The following PAH variants were observed in gnomAD, a reference collection of about 807,000 sequenced individuals.
PAH encodes the protein phenylalanine-4-hydroxylase.
Under a neutral mutation model 62.0 loss-of-function variants are expected in PAH, and 64 were observed. That is an observed-to-expected ratio of 1.03 (90% CI 0.84 to 1.27). The LOEUF (loss-of-function observed/expected upper bound fraction) is 1.27. Ranked by LOEUF, PAH falls within the 50% of genes most tolerant of loss-of-function variation. PAH has a pLI of 0.00. For missense variants in PAH, 579 were observed against 542.8 expected (o/e 1.07, Z -0.66); for synonymous variants, 195 against 196.2 (o/e 0.99, Z 0.05).
chr12:102,883,014 T>C (rs1032773298), intron 3 of PAH, among the ~76,000 whole-genome samples: 3 of 151,660 alleles, frequency 2.0e-5, no homozygotes, highest in Non-Finnish European at 4.4e-5. Flanking sequence ...AGAACAGAGA[T>C]TGGGATCAGG....
intron 2 of PAH, among the ~76,000 whole-genome samples, chr12:102,905,197 C>T (rs1877928399): frequency 6.6e-6 from 1 of 152,164 alleles, no homozygotes; most frequent in Admixed American, 6.5e-5. Context: ...GCCTATATTC[C>T]TCCTACTCTT....
At chr12:102,840,015 T>C (rs1835664981) in intron 12 of PAH, among the ~76,000 whole-genome samples, 1 of 151,840 alleles carries the variant, frequency 6.6e-6, no homozygotes, top group South Asian at 2.1e-4. Context: ...GAAGGAAGAG[T>C]GGAAGGCCAA....
chr12:102,873,194 T>C (rs1018897606), intron 4 of PAH, among the ~76,000 whole-genome samples: 2 of 152,192 alleles, frequency 1.3e-5, no homozygotes, highest in Non-Finnish European at 2.9e-5. Flanking sequence ...TCTCCTTTGT[T>C]CAGAGAACGT....
At position 102,898,625 on chromosome 12, in the gene PAH, A is replaced by G. The variant is rs192491478; in HGVS notation, c.169-3707T>C. The stretch of plus-strand genomic sequence containing the variant: ...ATACTTAAGTAACACTTTATAGTAT[A>G]GAATTCTTTTCTGTGACCATCCCAA... On this transcript the variant is annotated intron_variant, in intron 2 of 12. Coordinates refer to ENST00000553106, the MANE Select transcript of PAH (RefSeq NM_000277.3). 1.7e-3 allele frequency among the ~76,000 whole-genome samples: 255 copies of G among 152,384 alleles called. 3 individuals are homozygous for G. Among genetic ancestry groups the G allele is most frequent in the African/African-American group, 5.7e-3 (237 of 41,598 alleles).
At chr12:102,920,064 C>T (rs1878515469), upstream of PAH, among the ~76,000 whole-genome samples, 1 of 152,018 alleles carries the variant, frequency 6.6e-6, no homozygotes, top group Non-Finnish European at 1.5e-5. Flanking sequence ...AATTTTTAAT[C>T]CTATCTCACA....
At chr12:102,872,670 G>T (rs1388499874) in intron 4 of PAH, among the ~76,000 whole-genome samples, 1 of 152,190 alleles carries the variant, frequency 6.6e-6, no homozygotes, top group Non-Finnish European at 1.5e-5. Flanking sequence ...ACCTTGAAAG[G>T]TTAAAAACAG....
At chr12:102,906,100 T>C (rs572392092) in intron 2 of PAH, among the ~76,000 whole-genome samples, 1 of 152,254 alleles carries the variant, frequency 6.6e-6, no homozygotes, top group South Asian at 2.1e-4. Flanking sequence ...AAATTATAAA[T>C]GTTATGAAAT....
chr12:102,931,351 G>C (rs1032554200), intron 1 of PAH, among the ~76,000 whole-genome samples: 2 of 152,246 alleles, frequency 1.3e-5, no homozygotes, highest in Middle Eastern at 3.4e-3. Flanking sequence ...GAGGGAAATA[G>C]CAGTGGGGTG....
intron 2 of PAH, among the ~76,000 whole-genome samples, chr12:102,895,869 A>AAAAAAT (rs953209518): frequency 6.7e-5 from 8 of 118,744 alleles, no homozygotes; most frequent in Non-Finnish European, 1.2e-4. Context: ...AAAAAAAAAA[A>AAAAAAT]ATATATATAT....
At chr12:102,888,313 C>A (rs1877124685) in intron 3 of PAH, among the ~76,000 whole-genome samples, 1 of 151,962 alleles carries the variant, frequency 6.6e-6, no homozygotes, top group Non-Finnish European at 1.5e-5. Context: ...ATCCATGCAA[C>A]CTTTTAATTA....
Position 102,957,159 on chromosome 12 carries a change from G to C in PAH, c.-96+1036C>G, listed in dbSNP as rs1175955633. ...AACAGTGAGGAGAGAGAGAAAACAG[G>C]AAAAGTCGAGCCCCACTCCCTCCTC... On this transcript the variant is annotated intron_variant, in intron 1 of 4. Transcript: ENST00000551337. This position sits in a 1 kb window ranked among gnomAD's most constrained non-coding sequence, Gnocchi z 4.1. 6.6e-6 allele frequency among the ~76,000 whole-genome samples: 1 copy of C among 152,096 alleles called. No homozygotes were observed. The highest frequency in any genetic ancestry group is 2.4e-5 in the African/African-American group (1 of 41,426).
intron 9 of PAH, 35 bp downstream of exon 9, chr12:102,846,860 A>G (rs763166772): frequency 1.3e-6 from 2 of 1,566,616 alleles, no homozygotes; most frequent in African/African-American, 2.7e-5. Context: ...AGCCTATAGC[A>G]CTCCACCATC....
chr12:102,903,625 G>C (rs1223466100), intron 2 of PAH, among the ~76,000 whole-genome samples: 5 of 152,158 alleles, frequency 3.3e-5, no homozygotes, highest in Non-Finnish European at 7.3e-5. Flanking sequence ...AATAGATACT[G>C]TGCCTTTCCC....
intron 2 of PAH, among the ~76,000 whole-genome samples, chr12:102,906,757 T>C (rs1877992928): frequency 6.6e-6 from 1 of 152,178 alleles, no homozygotes; most frequent in African/African-American, 2.4e-5. Flanking sequence ...CTATTTCCAT[T>C]TTACAGATGA....
chr12:102,891,850 A>G (rs1379228477), intron 3 of PAH, among the ~76,000 whole-genome samples: 2 of 152,008 alleles, frequency 1.3e-5, no homozygotes, highest in Non-Finnish European at 2.9e-5. Context: ...CTGCCTGTCA[A>G]TTGCTTTGAT....
Position 102,877,415 on chromosome 12 carries a change from G to A in PAH, c.441+47C>T, listed in dbSNP as rs1718301. 518,951 of 1,267,994 alleles carry A rather than the reference G, an allele frequency of 0.41. 111,129 individuals carry two copies. Among genetic ancestry groups the A allele is most frequent in the Non-Finnish European group, 0.44 (379,899 of 863,928 alleles). 78.5% of individuals were successfully genotyped at this position (1,267,994 alleles called of 1,614,324 possible). A position where few individuals can be genotyped will look rare whatever the true frequency, so the allele number is the denominator to read the frequency against. On this transcript the variant is annotated intron_variant, in intron 4 of 12. Coordinates refer to ENST00000553106, the MANE Select transcript of PAH (RefSeq NM_000277.3). Reference sequence around the variant, plus strand: ...GAAGGTAAGAGGAAGGGAGGGGAGTGGAGGAGAGGCACTGAAAAAATCTCA... The same window carrying A: ...GAAGGTAAGAGGAAGGGAGGGGAGTAGAGGAGAGGCACTGAAAAAATCTCA...
chr12:102,888,828 C>A (rs1311499145), intron 3 of PAH, among the ~76,000 whole-genome samples: 1 of 151,984 alleles, frequency 6.6e-6, no homozygotes, highest in Admixed American at 6.6e-5. Flanking sequence ...AAAAAGACAG[C>A]CAATCCTGTG....
At chr12:102,862,385 T>C (rs1875767347) in intron 5 of PAH, among the ~76,000 whole-genome samples, 1 of 151,942 alleles carries the variant, frequency 6.6e-6, no homozygotes, top group Non-Finnish European at 1.5e-5. Flanking sequence ...CAACACACAC[T>C]GAGTCTAATG....
At chr12:102,908,772 C>A (rs1878083625) in intron 2 of PAH, among the ~76,000 whole-genome samples, 2 of 150,662 alleles carry the variant, frequency 1.3e-5, no homozygotes, top group South Asian at 4.2e-4. Context: ...TAGTTTATAT[C>A]TAAAGTCCTT....
Sources: allele counts gnomAD v4.1 joint callset (sites outside exome capture counted in the v4.1 genomes callset), GRCh38; gene constraint gnomAD v4.1.1; non-coding constraint Gnocchi (gnomAD v3.1); transcripts MANE v1.5; gene names NCBI Gene and HGNC (gene_info 2026-07-23, HGNC 2026-07-21).